TTN: variants seen among roughly 807,000 people sequenced by gnomAD.
TTN encodes the protein connectin.
A neutral mutation model predicts 3,223.0 loss-of-function variants in TTN; 1,525 were observed. The observed-to-expected ratio is 0.47, with a 90% CI of 0.45 to 0.49. The LOEUF (loss-of-function observed/expected upper bound fraction) is 0.49. TTN is among the 20% of genes least tolerant of loss of function. TTN has a pLI of 0.00. For missense variants in TTN, 40,786 were observed against 43,424.0 expected (o/e 0.94, Z 5.40); for synonymous variants, 14,094 against 15,161.0 (o/e 0.93, Z 5.17).
At position 178,623,628 on chromosome 2, in the gene TTN, T is replaced by G. The variant is rs115986755; in HGVS notation, c.44815+837A>C. On this transcript the variant is annotated intron_variant, in intron 242 of 362. Coordinates refer to ENST00000589042, the MANE Select transcript of TTN (RefSeq NM_001267550.2). ...CCAAGAAGCTACTTTGACATAAGCT[T>G]GAGCAGAGCAACCACAAAGTGGTAA... Among the ~76,000 whole-genome samples, 959 of 152,018 alleles carry G rather than the reference T, an allele frequency of 6.3e-3. 4 individuals carry two copies. The highest frequency in any genetic ancestry group is 0.01 in the Non-Finnish European group (704 of 67,902).
rs746874226 is a variant in TTN at position 178,536,256 on chromosome 2, G to T, written c.100491C>A (p.His33497Gln). Reference protein sequence around the residue: ...PKSDVPIQAPHFKEELRNLNV... With the variant: ...PKSDVPIQAPQFKEELRNLNV... Reference sequence around the variant, plus strand: ...TTAGATTTCTCAGTTCCTCTTTAAAGTGTGGTGCCTGAATTGGGACATCAG... The same window carrying T: ...TTAGATTTCTCAGTTCCTCTTTAAATTGTGGTGCCTGAATTGGGACATCAG... Residue 33497 changes from histidine (H) to glutamine (Q), a missense_variant, in exon 357 of 363, where the codon CAC becomes CAA. Transcript: ENST00000589042. The T allele has an allele frequency of 6.2e-7, 1 of 1,613,574 alleles. No homozygotes were observed.
Position 178,634,233 on chromosome 2 carries a change from G to C in TTN, c.42415+133C>G, listed in dbSNP as rs2060143796. On this transcript the variant is annotated intron_variant, in intron 230 of 362. Transcript: ENST00000589042. The surrounding 1 kb of genome is among the most constrained non-coding windows in gnomAD (Gnocchi z 4.6). ...AGCTCCACTAAAAACAAATTAAGGG[G>C]GGTTGTTTTGGTAACACTGTGAAAG... 1 of 1,472,842 alleles carries C rather than the reference G, an allele frequency of 6.8e-7. No homozygotes were observed. The highest frequency in any genetic ancestry group is 1.4e-5 in the African/African-American group (1 of 70,136). The allele number at this position is 1,472,842 out of a possible 1,614,324, so 91.2% of individuals were successfully genotyped here.
Position 178,563,675 on chromosome 2 carries a change from A to G in TTN, c.82457T>C (p.Met27486Thr), listed in dbSNP as rs746435098. The stretch of plus-strand genomic sequence containing the variant: ...TACTGGGCGTGCCCATGTTACTACC[A>G]TAGAATCTTTGGTGATTGCTGAGAC... ...PEVSAITKDS[M>T]VVTWARPVDD... is the part of the protein sequence containing the mutation. Residue 27486 changes from methionine (M) to threonine (T), a missense_variant, in exon 326 of 363, where the codon ATG becomes ACG. By Grantham distance (81) the Met-to-Thr change is moderately conservative. Coordinates refer to ENST00000589042, the MANE Select transcript of TTN (RefSeq NM_001267550.2). This position sits in a 1 kb window ranked among gnomAD's most constrained non-coding sequence, Gnocchi z 4.5. 38 of 1,613,654 alleles carry G rather than the reference A, an allele frequency of 2.4e-5. No homozygotes were observed. In the East Asian group the frequency reaches 6.2e-4, roughly 27 times the overall value.
At position 178,654,441 on chromosome 2, in the gene TTN, C is replaced by CTCCTAAAGGTAGG; in HGVS notation, c.38296+3_38296+4insCCTACCTTTAGGA. ...CCCGACTGACAATGTGTAATGATACCTACCTTTAGGAGGTGGAGCTTCTGG... is the reference window on the plus strand; with the variant it reads ...CCCGACTGACAATGTGTAATGATACCTCCTAAAGGTAGGTACCTTTAGGAGGTGGAGCTTCTGG... On this transcript the variant is annotated splice_donor_region_variant and intron_variant, in intron 192 of 362. Coordinates refer to ENST00000589042, the MANE Select transcript of TTN (RefSeq NM_001267550.2). The CTCCTAAAGGTAGG allele has an allele frequency of 1.5e-6, 2 of 1,368,194 alleles. No homozygotes were observed. Among genetic ancestry groups the CTCCTAAAGGTAGG allele is most frequent in the Non-Finnish European group, 2.0e-6 (2 of 1,010,702 alleles). 84.8% of individuals were successfully genotyped at this position (1,368,194 alleles called of 1,614,324 possible). A position where few individuals can be genotyped will look rare whatever the true frequency, so the allele number is the denominator to read the frequency against.
At chr2:178,685,406 T>G (rs919357390) in intron 128 of TTN, 76 bp from the exon 129 acceptor site, 1 of 1,470,992 alleles carries the variant, frequency 6.8e-7, no homozygotes, top group African/African-American at 1.4e-5. Context: ...ATCTTTTTAT[T>G]AGACATGATA....
chr2:178,746,226 G>A (rs397517818), intron 47 of TTN: 1 of 1,612,642 alleles, frequency 6.2e-7, no homozygotes, highest in East Asian at 2.2e-5. Context: ...GAATTTTCTG[G>A]AATTTTAAAA....
At chr2:178,742,665 A>T (rs59479297) in intron 47 of TTN, among the ~76,000 whole-genome samples, 3 of 152,138 alleles carry the variant, frequency 2.0e-5, no homozygotes, top group Non-Finnish European at 4.4e-5. Context: ...AGCAGTGCAT[A>T]ACAGAGACTC....
intron 260 of TTN, 45 bp from the exon 261 acceptor site, chr2:178,614,798 A>G (rs898385214): frequency 1.9e-6 from 3 of 1,596,734 alleles, no homozygotes; most frequent in Admixed American, 3.5e-5. Flanking sequence ...GTTCAAGCAG[A>G]TTTAAGGTCA....
intron 288 of TTN, among the ~76,000 whole-genome samples, chr2:178,600,227 G>T (rs13009158): frequency 0.16 from 23,874 of 151,778 alleles, 2,219 homozygotes; most frequent in East Asian, 0.45. Context: ...GGATACACAA[G>T]AAGGTGAATT....
In TTN at chr2:178,582,415, C is replaced by T. The variant is rs750531050; in HGVS notation, c.66041G>A (p.Ser22014Asn). The T allele has an allele frequency of 1.9e-6, 3 of 1,612,938 alleles. No homozygotes were observed. The South Asian group carries it at 3.3e-5, about 18-fold the overall frequency. ...AQVSATVPIT[S>N]CSVEKLIEGH... Reference sequence around the variant, plus strand: ...CTCTATAAGTTTCTCCACGCTGCAGCTGGTGATAGGCACAGTTGCAGAGAC... The same window carrying T: ...CTCTATAAGTTTCTCCACGCTGCAGTTGGTGATAGGCACAGTTGCAGAGAC... Residue 22014 changes from serine to asparagine, a missense_variant, in exon 314 of 363, where the codon AGC becomes AAC. Physicochemically the swap from Ser to Asn is conservative, Grantham distance 46. Coordinates refer to ENST00000589042, the MANE Select transcript of TTN (RefSeq NM_001267550.2).
intron 354 of TTN, 92 bp downstream of exon 354, chr2:178,538,448 A>C: frequency 7.8e-7 from 1 of 1,276,964 alleles, no homozygotes; most frequent in East Asian, 2.4e-5. Context: ...CTCTCCAATA[A>C]AGCTTTCCAG....
chr2:178,555,627 T>C (rs1391638337), intron 330 of TTN: 1 of 157,320 alleles, frequency 6.4e-6, no homozygotes, highest in Non-Finnish European at 1.4e-5. Flanking sequence ...TGGACAGATT[T>C]TCTGCCATGC....
chr2:178,697,950 T>C (rs986564717), intron 112 of TTN, among the ~76,000 whole-genome samples: 5 of 152,180 alleles, frequency 3.3e-5, no homozygotes, highest in Middle Eastern at 3.2e-3. Context: ...TCCATGTTCA[T>C]TGCAGCATTA....
Position 178,722,438 on chromosome 2 carries a change from A to G in TTN, c.22349T>C (p.Val7450Ala). 3 of 1,613,454 alleles carry G rather than the reference A, an allele frequency of 1.9e-6. No individual in the cohort carries two copies. The highest frequency in any genetic ancestry group is 2.5e-6 in the Non-Finnish European group (3 of 1,179,558). ...CRLNGSAPIQ[V>A]CWYRDGVLLR... ...AAGTACTCCATCTCTATACCAGCACACTTGGATGGGTGCAGAGCCATTTAA... is the reference window on the plus strand; with the variant it reads ...AAGTACTCCATCTCTATACCAGCACGCTTGGATGGGTGCAGAGCCATTTAA... The change falls in exon 77 of 363, where the codon GTG becomes GCG. Residue 7450 changes from valine (V) to alanine (A), a missense_variant. Coordinates refer to ENST00000589042, the MANE Select transcript of TTN (RefSeq NM_001267550.2).
chr2:178,548,283 C>G lies in TTN; in HGVS notation c.93343G>C (p.Ala31115Pro), dbSNP rs1192880016. The G allele has an allele frequency of 6.2e-7, 1 of 1,613,756 alleles. No homozygotes were observed. Among genetic ancestry groups the G allele is most frequent in the Non-Finnish European group, 8.5e-7 (1 of 1,179,842 alleles). ...PEPIVATEQP[A>P]PPRRLDVVDT... is the part of the protein sequence containing the mutation. ...ACAACATCAAGTCTCCTAGGTGGAG[C>G]AGGCTGTTCTGTGGCTACAATTGGT... Residue 31115 changes from alanine to proline, a missense_variant, in exon 339 of 363, where the codon GCT becomes CCT. Transcript: ENST00000589042. The surrounding 1 kb of genome is among the most constrained non-coding windows in gnomAD (Gnocchi z 4.3).
In TTN at chr2:178,581,747, C is replaced by T; in HGVS notation, c.66521G>A (p.Ser22174Asn). Reference sequence around the variant, plus strand: ...ATAGGCTGGCTTGCCCCAAGATAGACTCACAGAGCTGCGAGTTGTATCATA... The same window carrying T: ...ATAGGCTGGCTTGCCCCAAGATAGATTCACAGAGCTGCGAGTTGTATCATA... ...KVYDTTRSSV[S>N]LSWGKPAYDG... The change falls in exon 316 of 363, where the codon AGT becomes AAT. Residue 22174 changes from serine (S) to asparagine (N), a missense_variant. Physicochemically the swap from Ser to Asn is conservative, Grantham distance 46 (BLOSUM62 1). Transcript: ENST00000589042. 1 of 1,607,584 alleles carries T rather than the reference C, an allele frequency of 6.2e-7. No homozygotes were observed. The highest frequency in any genetic ancestry group is 8.5e-7 in the Non-Finnish European group (1 of 1,176,670).
chr2:178,547,290 G>A lies in TTN; in HGVS notation c.94235C>T (p.Pro31412Leu), dbSNP rs1454161350. The A allele has an allele frequency of 1.2e-6, 2 of 1,608,908 alleles. No homozygotes were observed. Among genetic ancestry groups the A allele is most frequent in the African/African-American group, 2.7e-5 (2 of 74,636 alleles). Residue 31412 changes from proline (P) to leucine (L), a missense_variant, in exon 340 of 363, where the codon CCT (proline) becomes CTT (leucine). Coordinates refer to ENST00000589042, the MANE Select transcript of TTN (RefSeq NM_001267550.2). ...CACATGGTAGACCTCAGGTCTGGTA[G>A]GAGCGCTTGGTGGGACTAAATATAA... ...AEHPFVPPSA[P>L]TRPEVYHVSA...
chr2:178,778,257 C>A, intron 24 of TTN: 1 of 417,808 alleles, frequency 2.4e-6, no homozygotes, highest in Non-Finnish European at 4.4e-6. Flanking sequence ...TTTTCCTTAC[C>A]ACTTGGATTT....
At chr2:178,599,474 A>G (rs533009293) in intron 289 of TTN, 29 bp from the exon 290 acceptor site, 3 of 1,519,896 alleles carry the variant, frequency 2.0e-6, no homozygotes, top group Admixed American at 2.2e-5. Context: ...GGAACCCTTT[A>G]TCACTCAGAT....
Sources: allele counts gnomAD v4.1 joint callset (sites outside exome capture counted in the v4.1 genomes callset), GRCh38; gene constraint gnomAD v4.1.1; non-coding constraint Gnocchi (gnomAD v3.1); transcripts MANE v1.5; gene names NCBI Gene and HGNC (gene_info 2026-07-23, HGNC 2026-07-21).